The following GPM6A variants were observed in gnomAD, a reference collection of about 807,000 sequenced individuals.
GPM6A encodes glycoprotein M6A.
In GPM6A, 7 loss-of-function variants were observed where a neutral mutation model predicts 32.1. The ratio of observed to expected loss-of-function variants is 0.22; its 90% CI spans 0.12 to 0.41. GPM6A has a LOEUF of 0.41. Among genes scored for constraint, GPM6A ranks in the 10% least tolerant of loss-of-function variants. The pLI is 1.00. For missense variants in GPM6A, 235 were observed against 347.2 expected, an observed-to-expected ratio of 0.68 and a Z score of 2.57; for synonymous variants, 130 against 123.4, an observed-to-expected ratio of 1.05 and a Z score of -0.35.
chr4:175,880,809 T>C (rs1190183400), intron 1 of GPM6A, among the ~76,000 whole-genome samples: 1 of 152,204 alleles, frequency 6.6e-6, no homozygotes. Context: ...GTTTTCTAGA[T>C]ATACAATCAT....
At chr4:175,901,127 A>T (rs1396246063) in intron 1 of GPM6A, among the ~76,000 whole-genome samples, 1 of 145,162 alleles carries the variant, frequency 6.9e-6, no homozygotes, top group South Asian at 2.3e-4. Flanking sequence ...GAGGCTGGGA[A>T]GGATAGTGGG....
intron 1 of GPM6A, among the ~76,000 whole-genome samples, chr4:175,882,203 C>A (rs995222150): frequency 6.6e-6 from 1 of 151,858 alleles, no homozygotes; most frequent in Admixed American, 6.6e-5. Flanking sequence ...CCTGAGGTAG[C>A]GTGCCTCTAA....
Position 175,731,089 on chromosome 4 carries a change from A to G in GPM6A, c.38-29322T>C, listed in dbSNP as rs34605029. Among the ~76,000 whole-genome samples the G allele has an allele frequency of 2.0e-5, 3 of 152,048 alleles. 1 individual carries two copies. Among genetic ancestry groups the G allele is most frequent in the Admixed American group, 1.3e-4 (2 of 15,266 alleles). ...TTCTATCAGAAGACGTTGAATATCAATTTGTTATTTCTCCAATTTATGCTT... is the reference window on the plus strand; with the variant it reads ...TTCTATCAGAAGACGTTGAATATCAGTTTGTTATTTCTCCAATTTATGCTT... On this transcript the variant is annotated intron_variant, in intron 1 of 6. Transcript: ENST00000393658.
At chr4:175,850,703 G>T (rs1736227379) in intron 1 of GPM6A, among the ~76,000 whole-genome samples, 1 of 151,654 alleles carries the variant, frequency 6.6e-6, no homozygotes, top group South Asian at 2.1e-4. Context: ...ATATATATTT[G>T]TAAAATAAAT....
At chr4:175,759,343 T>G (rs1161401887) in intron 1 of GPM6A, among the ~76,000 whole-genome samples, 1 of 152,158 alleles carries the variant, frequency 6.6e-6, no homozygotes, top group Non-Finnish European at 1.5e-5. Context: ...CGTAGATAAT[T>G]CTTCAAGACA....
intron 1 of GPM6A, among the ~76,000 whole-genome samples, chr4:175,892,578 G>C (rs1737680877): frequency 6.6e-6 from 1 of 152,070 alleles, no homozygotes; most frequent in Admixed American, 6.6e-5. Flanking sequence ...TTGTAAGAGA[G>C]AGTGAAGGAC....
At chr4:175,925,670 T>G (rs1358576390) in intron 1 of GPM6A, among the ~76,000 whole-genome samples, 1 of 152,140 alleles carries the variant, frequency 6.6e-6, no homozygotes, top group Admixed American at 6.6e-5. Context: ...TCAATGTTCT[T>G]AATACATGTA....
At chr4:175,649,539 A>G (rs1741662295) in intron 4 of GPM6A, among the ~76,000 whole-genome samples, 1 of 152,190 alleles carries the variant, frequency 6.6e-6, no homozygotes, top group Admixed American at 6.5e-5. Context: ...CCTTATAATC[A>G]CCTACTTAAC....
chr4:175,945,655 ATATAAGT>A (rs1413809534), intron 1 of GPM6A, among the ~76,000 whole-genome samples: 1 of 147,606 alleles, frequency 6.8e-6, no homozygotes, highest in East Asian at 1.9e-4. Context: ...CTTATAAGTA[ATATAAGT>A]TATAATATAT....
chr4:175,696,632 A>T (rs1231651987), intron 2 of GPM6A, among the ~76,000 whole-genome samples: 1 of 152,134 alleles, frequency 6.6e-6, no homozygotes, highest in African/African-American at 2.4e-5. Flanking sequence ...ACATCAATAC[A>T]AATTTGGCAG....
At chr4:175,965,614 CTTTTT>C (rs59648310) in intron 1 of GPM6A, among the ~76,000 whole-genome samples, 4 of 141,182 alleles carry the variant, frequency 2.8e-5, no homozygotes, top group Non-Finnish European at 6.2e-5. Context: ...CTATTTCTCT[CTTTTT>C]TTTTTTTTTT....
intron 1 of GPM6A, chr4:175,962,025 G>T: frequency 1.6e-6 from 1 of 625,698 alleles, no homozygotes; most frequent in South Asian, 1.6e-5. Flanking sequence ...AAATGTTCAC[G>T]TCTCAGGCCT....
chr4:175,822,642 C>A (rs1042936137), intron 1 of GPM6A, among the ~76,000 whole-genome samples: 3 of 115,910 alleles, frequency 2.6e-5, no homozygotes, highest in Non-Finnish European at 5.4e-5. Context: ...TTATTTAATT[C>A]TTTTCATGCT....
At chr4:175,707,741 T>C (rs1289300503) in intron 1 of GPM6A, among the ~76,000 whole-genome samples, 2 of 152,222 alleles carry the variant, frequency 1.3e-5, no homozygotes, top group Admixed American at 6.5e-5. Context: ...AAGGTATCTT[T>C]TGTGATCCTG....
At chr4:175,813,572 G>A (rs188521637), upstream of GPM6A, among the ~76,000 whole-genome samples, 4 of 151,322 alleles carry the variant, frequency 2.6e-5, no homozygotes, top group East Asian at 3.9e-4. Flanking sequence ...GCACACACAC[G>A]GAGAGGCACA....
chr4:175,885,129 C>T (rs1262779684), intron 1 of GPM6A, among the ~76,000 whole-genome samples: 3 of 152,128 alleles, frequency 2.0e-5, no homozygotes, highest in Non-Finnish European at 4.4e-5. Flanking sequence ...GAACACAACA[C>T]AGCCATTAAT....
intron 1 of GPM6A, among the ~76,000 whole-genome samples, chr4:175,747,989 A>G (rs1039572891): frequency 6.6e-6 from 1 of 152,222 alleles, no homozygotes; most frequent in African/African-American, 2.4e-5. Context: ...TTCTATCTCA[A>G]GAAAACTTTT....
chr4:175,755,605 G>T (rs1463280735), intron 1 of GPM6A, among the ~76,000 whole-genome samples: 1 of 152,086 alleles, frequency 6.6e-6, no homozygotes, highest in Non-Finnish European at 1.5e-5. Context: ...TAGTGGTAAA[G>T]AAAGTATAAA....
intron 1 of GPM6A, among the ~76,000 whole-genome samples, chr4:175,747,530 G>A (rs1306349929): frequency 6.6e-6 from 1 of 152,066 alleles, no homozygotes; most frequent in East Asian, 1.9e-4. Flanking sequence ...TATTTTTTGA[G>A]TTCTCAGTGA....
Sources: gnomAD v4.1 joint callset for allele counts (sites outside exome capture counted in the v4.1 genomes callset) on GRCh38, gnomAD v4.1.1 for gene constraint, MANE v1.5 for transcripts, NCBI Gene and HGNC (gene_info 2026-07-23, HGNC 2026-07-21) for gene names.